SLC36A3: variants seen among roughly 807,000 people sequenced by gnomAD.
SLC36A3 encodes the protein proton-coupled amino acid transporter 3.
SLC36A3 carries 35 observed loss-of-function variants against 44.3 expected under a neutral mutation model. The ratio of observed to expected loss-of-function variants is 0.79; its 90% CI spans 0.60 to 1.05. SLC36A3 has a LOEUF of 1.05. Ranked by LOEUF, SLC36A3 falls within the 50% of genes least tolerant of loss-of-function variation. SLC36A3 has a pLI of 0.00. For synonymous variants in SLC36A3, 211 were observed against 227.6 expected (o/e 0.93, Z 0.66); for missense variants, 540 against 578.7 (o/e 0.93, Z 0.69).
intron 1 of SLC36A3, among the ~76,000 whole-genome samples, chr5:151,299,270 A>C (rs770590409): frequency 0.028 from 2,822 of 101,322 alleles, 31 homozygotes; most frequent in African/African-American, 0.064. Context: ...CTCTCTATAT[A>C]TATATATATA....
chr5:151,281,053 C>T lies in SLC36A3; in HGVS notation c.1105G>A (p.Val369Ile), dbSNP rs1177478165. The change falls in exon 9 of 10, where the codon GTA becomes ATA. Residue 369 changes from valine (V) to isoleucine (I), a missense_variant. By Grantham distance (29) the Val-to-Ile change is conservative. Transcript: ENST00000335230. ...AAGGCTGAGCGGACAGACAGGTCTA[C>T]AAACAGTGCCCAGCTCTCTGACACT... ...SQVSESWALF[V>I]DLSVRSALVC... The T allele has an allele frequency of 2.5e-6, 4 of 1,614,050 alleles. No individual in the cohort carries two copies. The highest frequency in any genetic ancestry group is 2.2e-5 in the East Asian group (1 of 44,896).
chr5:151,299,225 GCTCTCTCTCTCTCTCTCT>G (rs61382152), intron 1 of SLC36A3, among the ~76,000 whole-genome samples: 80 of 92,384 alleles, frequency 8.7e-4, no homozygotes, highest in Middle Eastern at 0.012. Context: ...TTGCTTGTGC[GCTCTCTCTCTCTCTCTCT>G]CTCTCTCTCT....
chr5:151,298,570 C>G, intron 2 of SLC36A3, 23 bp downstream of exon 2: 1 of 1,612,860 alleles, frequency 6.2e-7, no homozygotes, highest in Non-Finnish European at 8.5e-7. Context: ...AAACCTAGTT[C>G]CCATCCCACA....
At chr5:151,291,474 C>A (rs1057194382) in intron 4 of SLC36A3, among the ~76,000 whole-genome samples, 1 of 152,070 alleles carries the variant, frequency 6.6e-6, no homozygotes, top group African/African-American at 2.4e-5. Context: ...TTTTTGTTTG[C>A]TGCTGAAGAT....
At chr5:151,284,558 G>GT in intron 7 of SLC36A3, 55 bp downstream of exon 7, 1 of 1,320,872 alleles carries the variant, frequency 7.6e-7, no homozygotes, top group Non-Finnish European at 1.1e-6. Context: ...TGCAACTACA[G>GT]TTGGCCACTG....
chr5:151,284,152 A>G lies in SLC36A3; in HGVS notation c.866T>C (p.Leu289Ser). 3.1e-6 allele frequency: 5 copies of G among 1,614,096 alleles called. No homozygotes were observed. Among genetic ancestry groups the G allele is most frequent in the Non-Finnish European group, 4.2e-6 (5 of 1,179,996 alleles). ...HPQQFSFVLY[L>S]GMSIVIILYI... The stretch of plus-strand genomic sequence containing the variant: ...GAGGATGATGACAATGGACATCCCC[A>G]AGTACAGAACAAAAGAAAACTGCTG... Residue 289 changes from leucine (L) to serine (S), a missense_variant, in exon 8 of 10, where the codon TTG (leucine) becomes TCG (serine). Leu to Ser is a moderately radical substitution (Grantham distance 145). Transcript: ENST00000335230.
chr5:151,301,617 C>T lies in SLC36A3; in HGVS notation c.128+1610G>A, dbSNP rs560900025. On this transcript the variant is annotated intron_variant, in intron 1 of 9. Transcript: ENST00000335230. Reference sequence around the variant, plus strand: ...AATTATCTTTAAAAACTCTAATTCCCGAATGCTCAGGGAGACCGATTTGAG... The same window carrying T: ...AATTATCTTTAAAAACTCTAATTCCTGAATGCTCAGGGAGACCGATTTGAG... Among the ~76,000 whole-genome samples the T allele has an allele frequency of 3.9e-5, 6 of 152,136 alleles. No individual in the cohort carries two copies. In the South Asian group the frequency reaches 1.2e-3, roughly 32 times the overall value.
rs1248044613 is a variant in SLC36A3, at chr5:151,281,061, GC to G, written c.1096del (p.Ala366HisfsTer4). On this transcript the variant is annotated frameshift_variant, in exon 9 of 10. Coordinates refer to ENST00000335230, the MANE Select transcript of SLC36A3 (RefSeq NM_181774.4). LOFTEE classifies it high-confidence loss of function. The stretch of plus-strand genomic sequence containing the variant: ...GCGGACAGACAGGTCTACAAACAGT[GC>G]CCAGCTCTCTGACACTTGGGAGATG... ...FAISQVSESWALFVDLSVRSA... is the reference protein window; with the variant it reads ...FAISQVSESWXLFVDLSVRSA... 1.2e-6 allele frequency: 2 copies of G among 1,614,162 alleles called. No homozygotes were observed. The highest frequency in any genetic ancestry group is 8.5e-7 in the Non-Finnish European group (1 of 1,180,026).
rs1561641037 is a variant in SLC36A3, at chr5:151,299,395, T to TATA, written c.129-715_129-713dup. Among the ~76,000 whole-genome samples, 204 of 134,538 alleles carry TATA rather than the reference T, an allele frequency of 1.5e-3. 7 individuals carry two copies. The South Asian group carries it at 0.035, about 23-fold the overall frequency. 88.3% of individuals were successfully genotyped at this position (134,538 alleles called of 152,430 possible). A position where few individuals can be genotyped will look rare whatever the true frequency, so the allele number is the denominator to read the frequency against. On this transcript the variant is annotated intron_variant, in intron 1 of 9. Coordinates refer to ENST00000335230, the MANE Select transcript of SLC36A3 (RefSeq NM_181774.4). ...GTGATATATATATATATATATATAT[T>TATA]ATATATATATGAATTGCTATATATC...
rs149218645 is a variant in SLC36A3, at chr5:151,303,303, C to T, written c.52G>A (p.Gly18Arg). 891 of 1,614,020 alleles carry T rather than the reference C, an allele frequency of 5.5e-4. 2 individuals are homozygous for T. Among genetic ancestry groups the T allele is most frequent in the Admixed American group, 3.0e-3 (181 of 59,998 alleles). ...CTGCTCTCTGAGGGTGACTGAGGTC[C>T]GTTGTCCAAGGAGTTCAGCTCACTG... The part of the protein sequence containing the change: ...YNSELNSLDN[G>R]PQSPSESSSS... Residue 18 changes from glycine to arginine, a missense_variant, in exon 1 of 10, where the codon GGA becomes AGA. Coordinates refer to ENST00000335230, the MANE Select transcript of SLC36A3 (RefSeq NM_181774.4).
Position 151,281,130 on chromosome 5 carries a change from G to T in SLC36A3, c.1028C>A (p.Ala343Asp), listed in dbSNP as rs374146342. 6 of 1,614,150 alleles carry T rather than the reference G, an allele frequency of 3.7e-6. No individual in the cohort carries two copies. Among genetic ancestry groups the T allele is most frequent in the Non-Finnish European group, 4.2e-6 (5 of 1,180,006 alleles). The change falls in exon 9 of 10, where the codon GCC (alanine) becomes GAC (aspartate). Residue 343 changes from alanine to aspartate, a missense_variant. Transcript: ENST00000335230. Reference sequence around the variant, plus strand: ...CTCAGCTGGGACGTGGAACTGGAGGGCATAGGTGAAGAAGATGCCGATAGA... The same window carrying T: ...CTCAGCTGGGACGTGGAACTGGAGGTCATAGGTGAAGAAGATGCCGATAGA... ...MYSIGIFFTYALQFHVPAEII... is the reference protein window; with the variant it reads ...MYSIGIFFTYDLQFHVPAEII...
Position 151,281,190 on chromosome 5 carries a change from A to G in SLC36A3, c.975-7T>C, listed in dbSNP as rs1477389417. On this transcript the variant is annotated splice_polypyrimidine_tract_variant and splice_region_variant and intron_variant, in intron 8 of 9. Coordinates refer to ENST00000335230, the MANE Select transcript of SLC36A3 (RefSeq NM_181774.4). ...CTTGACTGACTGGTACAACCTGCAG[A>G]CACATGAATTGGATGTGAAAGGTGA... The G allele has an allele frequency of 1.2e-6, 2 of 1,600,944 alleles. No homozygotes were observed. The highest frequency in any genetic ancestry group is 3.4e-5 in the Admixed American group (2 of 59,080).
chr5:151,280,985 G>T (rs754160037), intron 9 of SLC36A3, 29 bp downstream of exon 9: 7 of 1,613,294 alleles, frequency 4.3e-6, no homozygotes, highest in Admixed American at 3.3e-5. Context: ...CATAGCTTTG[G>T]GTAAAGAGTG....
At chr5:151,292,850 G>C (rs1369027009) in intron 4 of SLC36A3, among the ~76,000 whole-genome samples, 2 of 152,148 alleles carry the variant, frequency 1.3e-5, no homozygotes, top group Non-Finnish European at 2.9e-5. Context: ...CAGGCGTGGT[G>C]GTGGGCGCCT....
Position 151,296,194 on chromosome 5 carries a change from T to C in SLC36A3, c.294A>G (p.Gln98=). Residue 98 remains glutamine, a synonymous_variant, in exon 3 of 10, where the codon CAA becomes CAG. Coordinates refer to ENST00000335230, the MANE Select transcript of SLC36A3 (RefSeq NM_181774.4). ...HCMVILLNCA[Q]HLSQRLQKTF... ...AGGCCTCTGACCTCTGGCTGAGGTG[T>C]TGAGCACAGTTCAACAGGATGACCA... The C allele has an allele frequency of 6.2e-7, 1 of 1,614,090 alleles. No homozygotes were observed. The highest frequency in any genetic ancestry group is 8.5e-7 in the Non-Finnish European group (1 of 1,180,002).
chr5:151,288,650 G>A (rs935669335), intron 4 of SLC36A3, among the ~76,000 whole-genome samples, 180 bp from the exon 5 acceptor site: 1 of 145,120 alleles, frequency 6.9e-6, no homozygotes, highest in Admixed American at 6.8e-5. Context: ...TAACATCCAT[G>A]TACCCTTTAA....
intron 4 of SLC36A3, among the ~76,000 whole-genome samples, chr5:151,291,768 T>C (rs1484069830): frequency 6.6e-6 from 1 of 152,166 alleles, no homozygotes; most frequent in East Asian, 1.9e-4. Context: ...CATCAGTGCA[T>C]TCTCCCTTTA....
At chr5:151,289,539 T>C (rs17716443) in intron 4 of SLC36A3, among the ~76,000 whole-genome samples, 4,808 of 152,188 alleles carry the variant, frequency 0.032, 109 homozygotes, top group Non-Finnish European at 0.042. Flanking sequence ...GAGATGATGA[T>C]GGTATGATGA....
chr5:151,284,145 C>T lies in SLC36A3; in HGVS notation c.873G>A (p.Met291Ile). 1.2e-6 allele frequency: 2 copies of T among 1,614,016 alleles called. No individual in the cohort carries two copies. The highest frequency in any genetic ancestry group is 1.7e-6 in the Non-Finnish European group (2 of 1,179,976). The change falls in exon 8 of 10, where the codon ATG becomes ATA. Residue 291 changes from methionine to isoleucine, a missense_variant. Transcript: ENST00000335230. Reference sequence around the variant, plus strand: ...AGATATAGAGGATGATGACAATGGACATCCCCAAGTACAGAACAAAAGAAA... The same window carrying T: ...AGATATAGAGGATGATGACAATGGATATCCCCAAGTACAGAACAAAAGAAA... ...QQFSFVLYLGMSIVIILYILL... is the reference protein window; with the variant it reads ...QQFSFVLYLGISIVIILYILL...
Sources: allele counts gnomAD v4.1 joint callset (sites outside exome capture counted in the v4.1 genomes callset), GRCh38; gene constraint gnomAD v4.1.1; transcripts MANE v1.5; gene names NCBI Gene and HGNC (gene_info 2026-07-23, HGNC 2026-07-21).